Variants in APBB1IP observed in about 807,000 individuals in gnomAD.
The protein encoded by APBB1IP is amyloid beta precursor protein binding family B member 1 interacting protein.
In APBB1IP, 27 loss-of-function variants were observed where a neutral mutation model predicts 64.9. That is an observed-to-expected ratio of 0.42 (90% CI 0.31 to 0.57). The LOEUF (loss-of-function observed/expected upper bound fraction) is 0.57. Among genes scored for constraint, APBB1IP ranks in the 20% least tolerant of loss-of-function variants. APBB1IP has a pLI of 0.20. For missense variants in APBB1IP, 812 were observed against 845.5 expected (o/e 0.96, Z 0.49); for synonymous variants, 392 against 331.0 (o/e 1.18, Z -2.00).
chr10:26,466,316 A>G (rs1011705621), intron 2 of APBB1IP, among the ~76,000 whole-genome samples: 3 of 152,190 alleles, frequency 2.0e-5, no homozygotes, highest in African/African-American at 7.2e-5. Flanking sequence ...GGCATCCACC[A>G]CAGCCATCAC....
At chr10:26,475,337 G>T (rs1234942885) in intron 2 of APBB1IP, among the ~76,000 whole-genome samples, 2 of 152,026 alleles carry the variant, frequency 1.3e-5, no homozygotes, top group Non-Finnish European at 2.9e-5. Context: ...TGGCCAGGCT[G>T]GTCTTGAACT....
chr10:26,476,118 C>A (rs1268109444), intron 2 of APBB1IP, among the ~76,000 whole-genome samples: 1 of 150,494 alleles, frequency 6.6e-6, no homozygotes, highest in Non-Finnish European at 1.5e-5. Context: ...GGGTGCAATG[C>A]CACAATCACA....
At position 26,468,275 on chromosome 10, in the gene APBB1IP, A is replaced by G. The variant is rs532490583; in HGVS notation, c.1-24052A>G. Among the ~76,000 whole-genome samples, 6 of 152,334 alleles carry G rather than the reference A, an allele frequency of 3.9e-5. No individual in the cohort carries two copies. The East Asian group carries it at 7.7e-4, about 20-fold the overall frequency. On this transcript the variant is annotated intron_variant, in intron 2 of 14. Transcript: ENST00000376236. The stretch of plus-strand genomic sequence containing the variant: ...CCTTATTATTTTATTTATTCCTTTT[A>G]TAAAATTATTGTTACATAGTATAGT...
At chr10:26,496,636 G>A (rs1179383710) in intron 4 of APBB1IP, among the ~76,000 whole-genome samples, 1 of 151,966 alleles carries the variant, frequency 6.6e-6, no homozygotes, top group African/African-American at 2.4e-5. Context: ...AAATGATCTC[G>A]TGTTTTAAAG....
intron 11 of APBB1IP, among the ~76,000 whole-genome samples, chr10:26,551,085 C>T (rs1476955932): frequency 6.6e-6 from 1 of 152,214 alleles, no homozygotes; most frequent in Admixed American, 6.5e-5. Flanking sequence ...TTCTGTGGAC[C>T]ATGCCTCCCA....
intron 2 of APBB1IP, among the ~76,000 whole-genome samples, chr10:26,475,299 T>A (rs764352829): frequency 4.6e-5 from 7 of 152,116 alleles, no homozygotes; most frequent in Non-Finnish European, 1.0e-4. Context: ...ATTTTTATAT[T>A]TTTAGTAGAG....
intron 11 of APBB1IP, among the ~76,000 whole-genome samples, chr10:26,557,948 C>T (rs1453823901): frequency 6.6e-6 from 1 of 152,150 alleles, no homozygotes; most frequent in Non-Finnish European, 1.5e-5. Flanking sequence ...CCATGCAATA[C>T]CCTAAGAGAG....
At chr10:26,497,672 A>C (rs1364347994) in intron 4 of APBB1IP, among the ~76,000 whole-genome samples, 2 of 151,962 alleles carry the variant, frequency 1.3e-5, no homozygotes, top group African/African-American at 4.8e-5. Flanking sequence ...ATAGGAGAAA[A>C]GTTCAATTAC....
At chr10:26,479,403 A>G (rs968188172) in intron 2 of APBB1IP, among the ~76,000 whole-genome samples, 1 of 152,164 alleles carries the variant, frequency 6.6e-6, no homozygotes, top group Non-Finnish European at 1.5e-5. Context: ...AATATTTAAA[A>G]TCATGGCTGG....
At position 26,541,606 on chromosome 10, in the gene APBB1IP, A is replaced by G. The variant is rs1307877287; in HGVS notation, c.1069A>G (p.Ile357Val). 3.1e-6 allele frequency: 5 copies of G among 1,611,484 alleles called. No individual in the cohort carries two copies. In the African/African-American group the frequency reaches 4.0e-5, roughly 13 times the overall value. ...GACATCTCGAGATCTGGCGTGTTTT[A>G]TACAGTTTGAAAATGTCAACATTTA... is the stretch of plus-strand genomic sequence containing the variant. Reference protein sequence around the residue: ...TKTSRDLACFIQFENVNIYYG... With the variant: ...TKTSRDLACFVQFENVNIYYG... Residue 357 changes from isoleucine (I) to valine (V), a missense_variant, in exon 11 of 15, where the codon ATA becomes GTA. Ile to Val is a conservative substitution (Grantham distance 29, BLOSUM62 3). Around this residue, in one of 3 missense-constraint regions of APBB1IP, gnomAD observed 37 missense variants for 80.4 expected, o/e 0.46. Transcript: ENST00000376236.
chr10:26,488,704 C>T (rs943455210), intron 2 of APBB1IP, among the ~76,000 whole-genome samples: 6 of 152,216 alleles, frequency 3.9e-5, no homozygotes, highest in Admixed American at 1.3e-4. Flanking sequence ...CTTTTTTAAT[C>T]CCAACAATAC....
chr10:26,548,188 T>C (rs568176320), intron 11 of APBB1IP, among the ~76,000 whole-genome samples: 8 of 151,672 alleles, frequency 5.3e-5, no homozygotes, highest in African/African-American at 1.9e-4. Flanking sequence ...GACATTAAAA[T>C]TTTTTTTTAT....
At chr10:26,446,098 C>T (rs921039756) in intron 2 of APBB1IP, among the ~76,000 whole-genome samples, 9 of 152,060 alleles carry the variant, frequency 5.9e-5, no homozygotes, top group African/African-American at 4.8e-5. Context: ...GGGGCAGAAG[C>T]GGGGAATCCC....
intron 8 of APBB1IP, among the ~76,000 whole-genome samples, chr10:26,526,904 T>C (rs1836482298): frequency 6.6e-6 from 1 of 152,224 alleles, no homozygotes; most frequent in Non-Finnish European, 1.5e-5. Context: ...TGATGATGAT[T>C]ATACTCTACT....
chr10:26,503,719 AAAGAT>A (rs1836135666), intron 6 of APBB1IP, among the ~76,000 whole-genome samples: 1 of 152,226 alleles, frequency 6.6e-6, no homozygotes, highest in Non-Finnish European at 1.5e-5. Context: ...TTTTAAGGAC[AAAGAT>A]AAGAGTACAC....
chr10:26,540,074 C>T (rs1250687705), intron 10 of APBB1IP, among the ~76,000 whole-genome samples: 1 of 152,188 alleles, frequency 6.6e-6, no homozygotes, highest in Non-Finnish European at 1.5e-5. Flanking sequence ...ATGGCAACTC[C>T]ATGCTTGACG....
rs147656631 is a variant in APBB1IP at position 26,563,000 on chromosome 10, T to C, written c.1473+571T>C. 6.5e-4 allele frequency among the ~76,000 whole-genome samples: 99 copies of C among 152,322 alleles called. No individual in the cohort carries two copies. In the East Asian group the frequency reaches 0.014, roughly 22 times the overall value. On this transcript the variant is annotated intron_variant, in intron 14 of 14. Transcript: ENST00000376236. Reference sequence around the variant, plus strand: ...AAACTCTGGAGTTAATTAGCTATGTTTACTTTGACCAAAGTGGTTTTCTTG... The same window carrying C: ...AAACTCTGGAGTTAATTAGCTATGTCTACTTTGACCAAAGTGGTTTTCTTG...
At chr10:26,554,998 G>A (rs1458800771) in intron 11 of APBB1IP, among the ~76,000 whole-genome samples, 2 of 152,116 alleles carry the variant, frequency 1.3e-5, no homozygotes, top group Non-Finnish European at 2.9e-5. Flanking sequence ...GGTACCAGGA[G>A]TGAGTACCAT....
chr10:26,439,346 T>C (rs1431561061), intron 2 of APBB1IP, among the ~76,000 whole-genome samples: 1 of 152,168 alleles, frequency 6.6e-6, no homozygotes, highest in Non-Finnish European at 1.5e-5. Flanking sequence ...TCTTAGAGTG[T>C]TTCCTTCCTC....
Sources: gnomAD v4.1 joint callset for allele counts (sites outside exome capture counted in the v4.1 genomes callset) on GRCh38, gnomAD v4.1.1 for gene constraint, gnomAD v4.1.1 regional missense constraint, MANE v1.5 for transcripts, NCBI Gene and HGNC (gene_info 2026-07-23, HGNC 2026-07-21) for gene names.